The following PLA2R1 variants were observed in gnomAD, a reference collection of about 807,000 sequenced individuals.
PLA2R1 encodes the protein secretory phospholipase A2 receptor.
A neutral mutation model predicts 195.9 loss-of-function variants in PLA2R1; 158 were observed. The observed-to-expected ratio is 0.81, with a 90% CI of 0.71 to 0.92. The LOEUF is 0.92. Ranked by LOEUF, PLA2R1 falls within the 40% of genes least tolerant of loss-of-function variation. The pLI, the probability that PLA2R1 is intolerant of heterozygous loss-of-function variation, is 0.00. For missense variants in PLA2R1, 1,626 were observed against 1,764.6 expected (o/e 0.92, Z 1.41); for synonymous variants, 586 against 598.2 (o/e 0.98, Z 0.30).
rs1448750610 is a variant in PLA2R1, at chr2:159,987,374, A to G, written c.1835-16T>C. ...CCACTGTAGCCTAAAAGCAGAAAAC[A>G]AGCATTTTTAATACCAGACGACTAA... On this transcript the variant is annotated splice_polypyrimidine_tract_variant and intron_variant, in intron 11 of 29. Transcript: ENST00000283243. 1.9e-6 allele frequency: 3 copies of G among 1,588,648 alleles called. No homozygotes were observed. In the South Asian group the frequency reaches 3.4e-5, roughly 18 times the overall value.
chr2:159,947,861 G>A (rs1022261106), intron 25 of PLA2R1, among the ~76,000 whole-genome samples: 5 of 151,758 alleles, frequency 3.3e-5, no homozygotes, highest in Admixed American at 1.3e-4. Flanking sequence ...GCATCCTAAA[G>A]GTTGGAACAA....
chr2:160,028,767 T>C lies in PLA2R1; in HGVS notation c.955+83A>G, dbSNP rs1437612646. 8.8e-6 allele frequency: 7 copies of C among 794,024 alleles called. No individual in the cohort carries two copies. In the East Asian group the frequency reaches 1.0e-4, roughly 12 times the overall value. The allele number at this position is 794,024 out of a possible 1,614,324, so 49.2% of individuals were successfully genotyped here. On this transcript the variant is annotated intron_variant, in intron 5 of 29. Transcript: ENST00000283243. ...TTTATACACTACTCTCAAAAAAGCA[T>C]GTCCTATGTGCATGGGAAATGCTGC...
At position 159,973,159 on chromosome 2, in the gene PLA2R1, T is replaced by C. The variant is rs79186192; in HGVS notation, c.2595+2909A>G. ...TCACCTCTACACATCTTGCTCCTCATCCTGGAATGAAGTAACTTCTGGATT... is the reference window on the plus strand; with the variant it reads ...TCACCTCTACACATCTTGCTCCTCACCCTGGAATGAAGTAACTTCTGGATT... On this transcript the variant is annotated intron_variant, in intron 17 of 29. Transcript: ENST00000283243. Among the ~76,000 whole-genome samples, 1,844 of 152,274 alleles carry C rather than the reference T, an allele frequency of 0.012. 24 individuals carry two copies. The Middle Eastern group carries it at 0.12, about 10-fold the overall frequency.
rs1686852229 is a variant in PLA2R1, at chr2:159,936,682, TG to T, written c.*5095del. Reference sequence around the variant, plus strand: ...CTAGTTCCAGCCAATGACACGCGAGTGGAAGTGCCACGTGTTTCTTCCTAAA... The same window carrying T: ...CTAGTTCCAGCCAATGACACGCGAGTGAAGTGCCACGTGTTTCTTCCTAAA... On this transcript the variant is annotated 3_prime_UTR_variant, in exon 30 of 30. Transcript: ENST00000283243. The T allele has an allele frequency of 6.6e-6, 1 of 152,108 alleles. No individual in the cohort carries two copies. Among genetic ancestry groups the T allele is most frequent in the Admixed American group, 6.5e-5 (1 of 15,280 alleles). The allele number at this position is 152,108 out of a possible 1,614,324, so 9.4% of individuals were successfully genotyped here.
At chr2:159,991,132 T>C (rs1690758815) in intron 11 of PLA2R1, among the ~76,000 whole-genome samples, 1 of 152,214 alleles carries the variant, frequency 6.6e-6, no homozygotes, top group Non-Finnish European at 1.5e-5. Flanking sequence ...AATAAATGAA[T>C]GAATGAGTTC....
At chr2:159,967,753 T>C (rs1191319323) in intron 19 of PLA2R1, 75 bp from the exon 20 acceptor site, 17 of 1,210,764 alleles carry the variant, frequency 1.4e-5, no homozygotes, top group East Asian at 2.4e-5. Context: ...TTGATCACTA[T>C]TTTTATGAGG....
chr2:159,925,959 T>C, the PLA2R1 span, among the ~76,000 whole-genome samples: 3 of 152,208 alleles, frequency 2.0e-5, no homozygotes, highest in East Asian at 5.8e-4. Context: ...GATGTGACCT[T>C]TTTGGTGGGG....
At chr2:160,019,017 C>T (rs13415848) in intron 8 of PLA2R1, among the ~76,000 whole-genome samples, 9,442 of 152,256 alleles carry the variant, frequency 0.062, 475 homozygotes, top group East Asian at 0.2. Flanking sequence ...GTGTATTCAG[C>T]AGCTATCTTG....
intron 28 of PLA2R1, among the ~76,000 whole-genome samples, chr2:159,944,071 G>C (rs998122162): frequency 6.6e-6 from 1 of 152,028 alleles, no homozygotes; most frequent in Non-Finnish European, 1.5e-5. Context: ...CCACCACAAA[G>C]TTCAGCTCTT....
chr2:159,924,614 A>T, the PLA2R1 span, among the ~76,000 whole-genome samples: 4 of 152,134 alleles, frequency 2.6e-5, no homozygotes, highest in Non-Finnish European at 1.5e-5. Context: ...CAGAATCTTT[A>T]AACTGAAAGA....
chr2:159,987,413 C>T lies in PLA2R1; in HGVS notation c.1835-55G>A. The T allele has an allele frequency of 2.5e-6, 3 of 1,206,828 alleles. No individual in the cohort carries two copies. In the South Asian group the frequency reaches 3.9e-5, roughly 16 times the overall value. 74.8% of individuals were successfully genotyped at this position (1,206,828 alleles called of 1,614,324 possible). On this transcript the variant is annotated intron_variant, in intron 11 of 29. Coordinates refer to ENST00000283243, the MANE Select transcript of PLA2R1 (RefSeq NM_007366.5). ...CCAGACGACTAAAACGTTTTGTGCT[C>T]AGAAGACTGCTCTTTAGAGTGTTGA... is the stretch of plus-strand genomic sequence containing the variant.
intron 10 of PLA2R1, among the ~76,000 whole-genome samples, chr2:160,011,342 A>G (rs1047193792): frequency 8.5e-5 from 13 of 152,140 alleles, no homozygotes; most frequent in Admixed American, 7.2e-4. Flanking sequence ...TCTTGTGTCT[A>G]TGTTCGATCT....
chr2:160,021,091 T>A (rs1693076906), intron 7 of PLA2R1, among the ~76,000 whole-genome samples: 1 of 152,174 alleles, frequency 6.6e-6, no homozygotes, highest in Admixed American at 6.5e-5. Context: ...CTTTTAATGA[T>A]AGTCTAGCTT....
At chr2:160,059,030 G>A (rs1016757817) in intron 1 of PLA2R1, among the ~76,000 whole-genome samples, 1 of 152,170 alleles carries the variant, frequency 6.6e-6, no homozygotes, top group Non-Finnish European at 1.5e-5. Flanking sequence ...GGGAGACAGT[G>A]ACAGATCATC....
Position 159,946,923 on chromosome 2 carries a change from A to G in PLA2R1, c.3851-6T>C. ...GATTGTTAAAAGATTAGAACCTATA[A>G]GAGAGACAAGTAGCAAAGGAATATT... On this transcript the variant is annotated splice_region_variant and splice_polypyrimidine_tract_variant and intron_variant, in intron 26 of 29. Coordinates refer to ENST00000283243, the MANE Select transcript of PLA2R1 (RefSeq NM_007366.5). 1 of 1,540,384 alleles carries G rather than the reference A, an allele frequency of 6.5e-7. No individual in the cohort carries two copies. The highest frequency in any genetic ancestry group is 8.9e-7 in the Non-Finnish European group (1 of 1,122,876).
At chr2:160,011,067 G>A (rs143491463) in intron 10 of PLA2R1, among the ~76,000 whole-genome samples, 60 of 152,288 alleles carry the variant, frequency 3.9e-4, no homozygotes, top group African/African-American at 1.4e-3. Flanking sequence ...AGGCATGAGC[G>A]CTGGCTACTG....
At chr2:160,055,567 G>A (rs931935898) in intron 1 of PLA2R1, among the ~76,000 whole-genome samples, 4 of 152,172 alleles carry the variant, frequency 2.6e-5, no homozygotes, top group African/African-American at 4.8e-5. Context: ...AAACCAAATC[G>A]CATGCTTCTG....
At chr2:159,925,394 C>T in the PLA2R1 span, among the ~76,000 whole-genome samples, 1 of 152,084 alleles carries the variant, frequency 6.6e-6, no homozygotes, top group African/African-American at 2.4e-5. Flanking sequence ...AATATAAATA[C>T]ATTTTGGGCT....
At chr2:159,983,559 TAGG>T (rs1690119251) in intron 13 of PLA2R1, among the ~76,000 whole-genome samples, 1 of 151,796 alleles carries the variant, frequency 6.6e-6, no homozygotes, top group Non-Finnish European at 1.5e-5. Context: ...TGGAAGGAAC[TAGG>T]AGCTCTGCCT....
Sources: allele counts gnomAD v4.1 joint callset (sites outside exome capture counted in the v4.1 genomes callset), GRCh38; gene constraint gnomAD v4.1.1; transcripts MANE v1.5; gene names NCBI Gene and HGNC (gene_info 2026-07-23, HGNC 2026-07-21).